The following LUC7L2 variants were observed in gnomAD, a reference collection of about 807,000 sequenced individuals.
The protein encoded by LUC7L2 is LUC7 like 2, pre-mRNA splicing factor.
Under a neutral mutation model 52.8 loss-of-function variants are expected in LUC7L2, and 25 were observed. The observed-to-expected ratio is 0.47, with a 90% CI of 0.34 to 0.66. The LOEUF (loss-of-function observed/expected upper bound fraction) is 0.66, where lower values mean the gene tolerates loss of function less well. Among genes scored for constraint, LUC7L2 ranks in the 30% least tolerant of loss-of-function variants. LUC7L2 has a pLI of 0.01. For missense variants in LUC7L2, 328 were observed against 497.8 expected (o/e 0.66, Z 3.25); for synonymous variants, 144 against 160.9 (o/e 0.89, Z 0.80).
At chr7:139,395,765 T>G (rs1794632421) in intron 2 of LUC7L2, among the ~76,000 whole-genome samples, 1 of 152,164 alleles carries the variant, frequency 6.6e-6, no homozygotes, top group South Asian at 2.1e-4. Context: ...CTCTGTCTCC[T>G]CAGGAGCTGG....
chr7:139,379,424 A>G (rs1287605239), intron 2 of LUC7L2, among the ~76,000 whole-genome samples: 2 of 151,186 alleles, frequency 1.3e-5, no homozygotes, highest in African/African-American at 4.9e-5. Flanking sequence ...GCACTTAGAG[A>G]TGGAGAGTGT....
At chr7:139,342,951 C>T (rs1799068567) in intron 1 of LUC7L2, among the ~76,000 whole-genome samples, 1 of 152,192 alleles carries the variant, frequency 6.6e-6, no homozygotes, top group Non-Finnish European at 1.5e-5. Context: ...AACTGAATAA[C>T]CATCCCATTT....
At chr7:139,412,504 T>C in intron 7 of LUC7L2, 47 bp from the exon 8 acceptor site, 1 of 1,569,924 alleles carries the variant, frequency 6.4e-7, no homozygotes. Context: ...TGCACTGTTT[T>C]CTTATTTATA....
At chr7:139,407,051 C>T (rs550617449) in intron 5 of LUC7L2, 123 bp from the exon 6 acceptor site, 20 of 975,418 alleles carry the variant, frequency 2.1e-5, no homozygotes, top group Admixed American at 8.9e-5. Flanking sequence ...AGTGAGCCAC[C>T]GTGCCCAGCC....
intron 1 of LUC7L2, among the ~76,000 whole-genome samples, chr7:139,353,734 A>T (rs370847647): frequency 1.3e-4 from 20 of 152,166 alleles, no homozygotes; most frequent in African/African-American, 4.6e-4. Flanking sequence ...TGGAGGTTGC[A>T]GTGAGCCTAG....
At chr7:139,402,425 A>T (rs956095556) in intron 4 of LUC7L2, among the ~76,000 whole-genome samples, 178 bp downstream of exon 4, 2 of 152,234 alleles carry the variant, frequency 1.3e-5, no homozygotes, top group Non-Finnish European at 2.9e-5. Flanking sequence ...ATATCAAATA[A>T]ATTGACATTG....
intron 2 of LUC7L2, among the ~76,000 whole-genome samples, chr7:139,380,586 C>T (rs117789994): frequency 0.012 from 1,857 of 152,088 alleles, 25 homozygotes; most frequent in Non-Finnish European, 0.019. Flanking sequence ...AGCAAAAGAG[C>T]GAGACACCGT....
At chr7:139,349,145 CTG>C (rs903512970) in intron 1 of LUC7L2, among the ~76,000 whole-genome samples, 2 of 152,216 alleles carry the variant, frequency 1.3e-5, no homozygotes, top group African/African-American at 4.8e-5. Context: ...CAGAGCAAGA[CTG>C]TGTCTCGGAA....
chr7:139,360,446 A>G (rs1343353927), intron 1 of LUC7L2, 124 bp downstream of exon 1: 3 of 824,368 alleles, frequency 3.6e-6, no homozygotes, highest in Non-Finnish European at 5.6e-6. Context: ...TGGTAACACG[A>G]GGTCCCCGTC....
At chr7:139,372,867 C>A (rs1373611692) in intron 1 of LUC7L2, among the ~76,000 whole-genome samples, 1 of 152,138 alleles carries the variant, frequency 6.6e-6, no homozygotes, top group African/African-American at 2.4e-5. Context: ...GTCTTATATG[C>A]CCCTTTGTAA....
At chr7:139,375,710 G>A in intron 1 of LUC7L2, 4 of 772,062 alleles carry the variant, frequency 5.2e-6, no homozygotes, top group Non-Finnish European at 6.4e-6. Context: ...TCTGCAAGTT[G>A]CTTAACCTCT....
intron 6 of LUC7L2, among the ~76,000 whole-genome samples, chr7:139,407,917 A>G (rs1795192952): frequency 1.3e-5 from 2 of 152,224 alleles, no homozygotes; most frequent in African/African-American, 4.8e-5. Flanking sequence ...TAGAGGGGAT[A>G]AACACAAAAA....
At chr7:139,346,492 C>CA (rs1406468025) in intron 1 of LUC7L2, among the ~76,000 whole-genome samples, 1 of 152,058 alleles carries the variant, frequency 6.6e-6, no homozygotes, top group Non-Finnish European at 1.5e-5. Context: ...GTGGCACACT[C>CA]AAATAGGGAC....
intron 1 of LUC7L2, among the ~76,000 whole-genome samples, chr7:139,348,447 A>T (rs1329665080): frequency 2.0e-5 from 3 of 152,034 alleles, no homozygotes; most frequent in African/African-American, 7.2e-5. Context: ...TAGGCCGGGC[A>T]CGGTGGCTCA....
chr7:139,385,311 CTTTTTTTTTT>C (rs58744665), intron 2 of LUC7L2, among the ~76,000 whole-genome samples: 13 of 118,580 alleles, frequency 1.1e-4, no homozygotes, highest in Middle Eastern at 4.5e-3. Context: ...GTTAGGATTA[CTTTTTTTTTT>C]TTTTTTTTTT....
chr7:139,359,523 A>C, upstream of LUC7L2: 1 of 251,404 alleles, frequency 4.0e-6, no homozygotes, highest in Non-Finnish European at 7.5e-6. Context: ...GACGCCAAGG[A>C]GGCTGACCGC....
At chr7:139,375,557 C>T (rs1800665840) in intron 1 of LUC7L2, 3 of 985,380 alleles carry the variant, frequency 3.0e-6, no homozygotes, top group South Asian at 9.4e-5. Context: ...GAAATGGCGT[C>T]TGGGGTTCAG....
intron 2 of LUC7L2, among the ~76,000 whole-genome samples, chr7:139,383,341 C>T (rs1278360773): frequency 6.6e-6 from 1 of 152,072 alleles, no homozygotes; most frequent in Non-Finnish European, 1.5e-5. Flanking sequence ...TGGTCTTGAA[C>T]TCCTGACCTC....
At chr7:139,340,888 A>G (rs758323779) in intron 1 of LUC7L2, among the ~76,000 whole-genome samples, 8 of 151,004 alleles carry the variant, frequency 5.3e-5, no homozygotes, top group African/African-American at 2.0e-4. Flanking sequence ...GTGGGCTGCA[A>G]TTTTCGAGAA....
Sources: gnomAD v4.1 joint callset for allele counts (sites outside exome capture counted in the v4.1 genomes callset) on GRCh38, gnomAD v4.1.1 for gene constraint, MANE v1.5 for transcripts, NCBI Gene and HGNC (gene_info 2026-07-23, HGNC 2026-07-21) for gene names.